CSTF3: variants seen among roughly 807,000 people sequenced by gnomAD.
CSTF3 encodes cleavage stimulation factor subunit 3, also known as CF-1 77 kDa subunit.
Under a neutral mutation model 105.8 loss-of-function variants are expected in CSTF3, and 29 were observed. That is an observed-to-expected ratio of 0.27 (90% CI 0.20 to 0.37). CSTF3 has a LOEUF of 0.37. Among genes scored for constraint, CSTF3 ranks in the 10% least tolerant of loss-of-function variants. The probability of loss-of-function intolerance (pLI) is 1.00; values close to 1 mark genes in which losing one functional copy is unlikely to be tolerated. For missense variants in CSTF3, 357 were observed against 879.3 expected (o/e 0.41, Z 7.51); for synonymous variants, 252 against 281.9 (o/e 0.89, Z 1.06).
intron 1 of CSTF3, among the ~76,000 whole-genome samples, chr11:33,142,440 T>C (rs1270752313): frequency 6.6e-6 from 1 of 152,164 alleles, no homozygotes; most frequent in South Asian, 2.1e-4. Context: ...TAAGGGGGTG[T>C]CCTGGCAACA....
chr11:33,085,936 C>T lies in CSTF3; in HGVS notation c.1849G>A (p.Val617Ile), dbSNP rs1310047634. Residue 617 changes from valine to isoleucine, a missense_variant, in exon 19 of 21, where the codon GTT (valine) becomes ATT (isoleucine). By Grantham distance (29) the Val-to-Ile change is conservative. Around this residue, in one of 4 missense-constraint regions of CSTF3, gnomAD observed 206 missense variants for 576.5 expected, o/e 0.36. Coordinates refer to ENST00000323959, the MANE Select transcript of CSTF3 (RefSeq NM_001326.3). ...GGAGGGAGAAGTTTCATTAAAACAA[C>T]AGCTGCAGGAGGGACTGGGAACACT... is the stretch of plus-strand genomic sequence containing the variant. ...GGVFPVPPAAVVLMKLLPPPI... is the reference protein window; with the variant it reads ...GGVFPVPPAAIVLMKLLPPPI... 2 of 1,550,050 alleles carry T rather than the reference C, an allele frequency of 1.3e-6. No homozygotes were observed. Among genetic ancestry groups the T allele is most frequent in the South Asian group, 1.3e-5 (1 of 77,734 alleles).
intron 1 of CSTF3, among the ~76,000 whole-genome samples, chr11:33,151,178 T>C (rs1855854751): frequency 6.6e-6 from 1 of 151,974 alleles, no homozygotes; most frequent in Admixed American, 6.6e-5. Flanking sequence ...ACAATATGTG[T>C]TCTTTTTGTT....
At chr11:33,123,415 T>C (rs1855512452) in intron 3 of CSTF3, among the ~76,000 whole-genome samples, 1 of 152,056 alleles carries the variant, frequency 6.6e-6, no homozygotes. Flanking sequence ...ATCAATGGGA[T>C]TTAAAACTAT....
Position 33,096,660 on chromosome 11 carries a change from A to G in CSTF3, c.1272+175T>C, listed in dbSNP as rs1283639894. ...TATAGTGATTAATGAAGCATAAATT[A>G]GCAAGTAGTTGGGGATTTGGATGAT... is the stretch of plus-strand genomic sequence containing the variant. On this transcript the variant is annotated intron_variant, in intron 14 of 20. Transcript: ENST00000323959. 6.3e-4 allele frequency among the ~76,000 whole-genome samples: 96 copies of G among 152,242 alleles called. 1 individual carries two copies. Among genetic ancestry groups the G allele is most frequent in the Non-Finnish European group, 4.4e-5 (3 of 68,046 alleles).
At chr11:33,119,826 T>A (rs1229937309) in intron 3 of CSTF3, among the ~76,000 whole-genome samples, 1 of 151,844 alleles carries the variant, frequency 6.6e-6, no homozygotes, top group Non-Finnish European at 1.5e-5. Context: ...TATGGATAGT[T>A]TATTTCTATT....
chr11:33,106,974 A>G (rs1855333609), intron 5 of CSTF3, among the ~76,000 whole-genome samples: 2 of 152,078 alleles, frequency 1.3e-5, no homozygotes, highest in South Asian at 4.1e-4. Context: ...CCACTTCAAT[A>G]TAAGACAATA....
intron 8 of CSTF3, among the ~76,000 whole-genome samples, chr11:33,103,832 C>T (rs571949736): frequency 6.6e-6 from 1 of 152,024 alleles, no homozygotes; most frequent in Non-Finnish European, 1.5e-5. Flanking sequence ...CTTTGATAGC[C>T]CTTTTCTTTT....
chr11:33,113,025 T>G (rs529969139), intron 3 of CSTF3, among the ~76,000 whole-genome samples: 4 of 151,962 alleles, frequency 2.6e-5, no homozygotes, highest in Admixed American at 2.6e-4. Context: ...CTGGCCAACA[T>G]AGTGAAACCC....
At position 33,102,305 on chromosome 11, in the gene CSTF3, T is replaced by C. The variant is rs1240203239; in HGVS notation, c.698A>G (p.Asn233Ser). The C allele has an allele frequency of 3.7e-6, 6 of 1,613,954 alleles. No homozygotes were observed. Among genetic ancestry groups the C allele is most frequent in the Non-Finnish European group, 5.1e-6 (6 of 1,179,960 alleles). ...ATTCTGAGGAGGCACCGAGGGAGCA[T>C]TACGGTCCAAGCCTTTCATTACTGT... Reference protein sequence around the residue: ...YETVMKGLDRNAPSVPPQNTP... With the variant: ...YETVMKGLDRSAPSVPPQNTP... Residue 233 changes from asparagine (N) to serine (S), a missense_variant, in exon 10 of 21, where the codon AAT (asparagine) becomes AGT (serine). Around this residue, in one of 4 missense-constraint regions of CSTF3, gnomAD observed 206 missense variants for 576.5 expected, o/e 0.36. Coordinates refer to ENST00000323959, the MANE Select transcript of CSTF3 (RefSeq NM_001326.3).
intron 3 of CSTF3, among the ~76,000 whole-genome samples, chr11:33,127,608 T>C (rs751012469): frequency 6.6e-6 from 1 of 152,226 alleles, no homozygotes; most frequent in African/African-American, 2.4e-5. Flanking sequence ...GAAACTGACA[T>C]GATCTGCCAA....
intron 3 of CSTF3, among the ~76,000 whole-genome samples, chr11:33,109,273 T>G (rs533010775): frequency 6.6e-6 from 1 of 152,314 alleles, no homozygotes; most frequent in Non-Finnish European, 1.5e-5. Flanking sequence ...TTCACCCAGA[T>G]AGGTAAATAA....
At chr11:33,093,251 A>G (rs776213044) in intron 15 of CSTF3, among the ~76,000 whole-genome samples, 7 of 152,228 alleles carry the variant, frequency 4.6e-5, no homozygotes, top group African/African-American at 7.2e-5. Context: ...TCAATTTAAC[A>G]TATTATACTT....
chr11:33,135,344 G>A (rs572321643), intron 3 of CSTF3, among the ~76,000 whole-genome samples: 2 of 152,238 alleles, frequency 1.3e-5, no homozygotes, highest in African/African-American at 4.8e-5. Context: ...GTCCAGGCAA[G>A]TATAGGAAAT....
intron 13 of CSTF3, 48 bp from the exon 14 acceptor site, chr11:33,097,026 C>G (rs1855229233): frequency 2.1e-6 from 3 of 1,395,728 alleles, no homozygotes; most frequent in Non-Finnish European, 2.9e-6. Context: ...CAGTATGTTT[C>G]CTGCATAAGA....
chr11:33,105,830 A>G (rs781618408), intron 7 of CSTF3, 53 bp downstream of exon 7: 1 of 1,528,192 alleles, frequency 6.5e-7, no homozygotes, highest in Admixed American at 2.1e-5. Context: ...ACTAAAAATT[A>G]TATTTTAGCT....
At chr11:33,149,726 A>T (rs918648772) in intron 1 of CSTF3, among the ~76,000 whole-genome samples, 6 of 152,192 alleles carry the variant, frequency 3.9e-5, no homozygotes, top group African/African-American at 1.2e-4. Context: ...TCTACTAAAA[A>T]TACAAAAATT....
chr11:33,145,555 A>G (rs949698852), intron 1 of CSTF3, among the ~76,000 whole-genome samples: 59 of 152,172 alleles, frequency 3.9e-4, no homozygotes, highest in African/African-American at 1.2e-3. Context: ...CATGCCTGTA[A>G]TAATCCCAGC....
intron 1 of CSTF3, among the ~76,000 whole-genome samples, chr11:33,150,057 A>AC (rs3060635): frequency 1.4e-5 from 2 of 144,850 alleles, no homozygotes; most frequent in East Asian, 2.1e-4. Context: ...AACAACAACA[A>AC]AACAAAAATT....
At chr11:33,089,344 CAAA>C (rs71034649) in intron 17 of CSTF3, among the ~76,000 whole-genome samples, 1 of 123,980 alleles carries the variant, frequency 8.1e-6, no homozygotes. Context: ...GAGACCATCT[CAAA>C]AAAAAAAAAA....
Sources: allele counts gnomAD v4.1 joint callset (sites outside exome capture counted in the v4.1 genomes callset), GRCh38; gene constraint gnomAD v4.1.1; regional missense constraint gnomAD v4.1.1; transcripts MANE v1.5; gene names NCBI Gene and HGNC (gene_info 2026-07-23, HGNC 2026-07-21).